Variants in SIK3 observed in about 807,000 individuals in gnomAD.
SIK3 encodes the protein SIK family kinase 3, also known as serine/threonine-protein kinase SIK3.
SIK3 carries 28 observed loss-of-function variants against 144.2 expected under a neutral mutation model. The ratio of observed to expected loss-of-function variants is 0.19; its 90% CI spans 0.14 to 0.27. The LOEUF is 0.27. Among genes scored for constraint, SIK3 ranks in the 10% least tolerant of loss-of-function variants. The pLI is 1.00. For synonymous variants in SIK3, 686 were observed against 676.3 expected (o/e 1.01, Z -0.22); for missense variants, 1,319 against 1,776.0 (o/e 0.74, Z 4.62).
At chr11:116,893,221 G>A (rs769993181) in intron 6 of SIK3, among the ~76,000 whole-genome samples, 1 of 152,170 alleles carries the variant, frequency 6.6e-6, no homozygotes, top group Non-Finnish European at 1.5e-5. Context: ...GTGATAATGT[G>A]TCAATGCATG....
chr11:116,939,205 T>C (rs1275597681), intron 3 of SIK3, among the ~76,000 whole-genome samples: 1 of 152,234 alleles, frequency 6.6e-6, no homozygotes, highest in Non-Finnish European at 1.5e-5. Flanking sequence ...TGTAGTGCAA[T>C]GGCGCGGACT....
intron 1 of SIK3, among the ~76,000 whole-genome samples, chr11:116,970,803 C>T (rs1371446111): frequency 1.3e-5 from 2 of 151,956 alleles, no homozygotes; most frequent in Non-Finnish European, 2.9e-5. Context: ...GCATGTACTA[C>T]CATGCCCAGC....
intron 1 of SIK3, among the ~76,000 whole-genome samples, chr11:117,080,538 T>G (rs557359806): frequency 6.6e-6 from 1 of 152,310 alleles, no homozygotes; most frequent in African/African-American, 2.4e-5. Context: ...TAAGTCTACG[T>G]GTTTTGAATA....
intron 1 of SIK3, among the ~76,000 whole-genome samples, chr11:117,076,545 G>A (rs529460013): frequency 4.1e-5 from 6 of 147,260 alleles, no homozygotes; most frequent in East Asian, 2.0e-4. Flanking sequence ...TTTTTTTTTC[G>A]AGATGGAGTC....
intron 1 of SIK3, among the ~76,000 whole-genome samples, chr11:116,958,056 G>T (rs547816406): frequency 3.4e-4 from 51 of 152,190 alleles, no homozygotes; most frequent in African/African-American, 1.2e-3. Flanking sequence ...CTATATCTCA[G>T]TTTCAATTAT....
intron 1 of SIK3, among the ~76,000 whole-genome samples, chr11:116,994,512 T>C (rs1950596381): frequency 6.6e-6 from 1 of 152,174 alleles, no homozygotes; most frequent in African/African-American, 2.4e-5. Context: ...ATTATAACAA[T>C]ATCAAACTCA....
intron 1 of SIK3, among the ~76,000 whole-genome samples, chr11:116,998,470 TAAA>T (rs59998385): frequency 0.5 from 68,449 of 136,388 alleles, 17,267 homozygotes; most frequent in Non-Finnish European, 0.57. Context: ...GACTCCGTCT[TAAA>T]AAAAAAAAAA....
intron 1 of SIK3, among the ~76,000 whole-genome samples, chr11:116,995,376 G>A (rs1272915411): frequency 4.6e-5 from 7 of 151,552 alleles, no homozygotes; most frequent in East Asian, 2.0e-4. Flanking sequence ...AGATCCTCCC[G>A]CCTCAGCCTC....
chr11:117,019,849 G>C (rs1179793703), intron 1 of SIK3, among the ~76,000 whole-genome samples: 2 of 151,386 alleles, frequency 1.3e-5, no homozygotes. Context: ...AGTGAGTTTA[G>C]ATACACCACT....
chr11:116,999,399 T>G (rs1326489931), intron 1 of SIK3, among the ~76,000 whole-genome samples: 4 of 152,216 alleles, frequency 2.6e-5, no homozygotes, highest in African/African-American at 9.6e-5. Context: ...AAAAAAAATT[T>G]TTTTAATCTG....
At chr11:116,853,200 G>A (rs1423267084) in intron 21 of SIK3, among the ~76,000 whole-genome samples, 5 of 152,186 alleles carry the variant, frequency 3.3e-5, no homozygotes, top group African/African-American at 9.6e-5. Context: ...AGTCAAGTCT[G>A]ATTTTTGGTA....
chr11:116,912,075 T>C (rs1039799990), intron 4 of SIK3, among the ~76,000 whole-genome samples: 6 of 152,214 alleles, frequency 3.9e-5, no homozygotes, highest in African/African-American at 1.4e-4. Flanking sequence ...ATATAATTTG[T>C]TAAGTTGCTT....
At chr11:116,958,930 G>A (rs548593422) in intron 1 of SIK3, among the ~76,000 whole-genome samples, 5 of 152,242 alleles carry the variant, frequency 3.3e-5, no homozygotes, top group African/African-American at 1.2e-4. Flanking sequence ...TCTCTTCCTA[G>A]AACAAATAGC....
At chr11:117,024,442 A>T (rs1951927029) in intron 1 of SIK3, among the ~76,000 whole-genome samples, 1 of 152,164 alleles carries the variant, frequency 6.6e-6, no homozygotes, top group Non-Finnish European at 1.5e-5. Flanking sequence ...CTTAGCAAAG[A>T]AGAATAAAGA....
chr11:116,979,459 G>C (rs964926298), intron 1 of SIK3, among the ~76,000 whole-genome samples: 1 of 151,730 alleles, frequency 6.6e-6, no homozygotes, highest in Non-Finnish European at 1.5e-5. Flanking sequence ...CTTTTTTAAA[G>C]TAAACTTTTA....
At chr11:116,862,151 C>T in intron 17 of SIK3, 51 bp downstream of exon 17, 1 of 1,613,332 alleles carries the variant, frequency 6.2e-7, no homozygotes, top group Non-Finnish European at 8.5e-7. Context: ...GGCAAATCAG[C>T]CTGAAAGCAA....
intron 1 of SIK3, among the ~76,000 whole-genome samples, chr11:117,087,135 A>C (rs1955050580): frequency 1.3e-5 from 2 of 152,058 alleles, no homozygotes; most frequent in South Asian, 4.1e-4. Flanking sequence ...TGATTTATAA[A>C]AAGCAAGTAA....
intron 3 of SIK3, among the ~76,000 whole-genome samples, chr11:116,934,904 A>G (rs1016701058): frequency 1.1e-4 from 16 of 152,052 alleles, no homozygotes; most frequent in African/African-American, 3.9e-4. Context: ...ACATGGTGAA[A>G]CCTCATTTCT....
intron 1 of SIK3, among the ~76,000 whole-genome samples, chr11:117,096,705 T>A (rs781737433): frequency 5.3e-5 from 8 of 152,128 alleles, no homozygotes; most frequent in Non-Finnish European, 1.0e-4. Context: ...CCACCCACCC[T>A]GACACCCTGG....
Sources: allele counts gnomAD v4.1 joint callset (sites outside exome capture counted in the v4.1 genomes callset), GRCh38; gene constraint gnomAD v4.1.1; transcripts MANE v1.5; gene names NCBI Gene and HGNC (gene_info 2026-07-23, HGNC 2026-07-21).